The following ELAVL4 variants were observed in gnomAD, a reference collection of about 807,000 sequenced individuals.
The protein encoded by ELAVL4 is ELAV like RNA binding protein 4.
Under a neutral mutation model 35.6 loss-of-function variants are expected in ELAVL4, and 1 was observed. That is an observed-to-expected ratio of 0.03 (90% CI 0.01 to 0.13). The LOEUF (loss-of-function observed/expected upper bound fraction) is 0.13. Among genes scored for constraint, ELAVL4 ranks in the 10% least tolerant of loss-of-function variants. The pLI, the probability that ELAVL4 is intolerant of heterozygous loss-of-function variation, is 1.00. For synonymous variants in ELAVL4, 156 were observed against 171.0 expected (o/e 0.91, Z 0.69); for missense variants, 267 against 464.9 (o/e 0.57, Z 3.91).
At chr1:50,055,385 C>T (rs995224236) in intron 1 of ELAVL4, among the ~76,000 whole-genome samples, 60 of 152,110 alleles carry the variant, frequency 3.9e-4, no homozygotes, top group Non-Finnish European at 4.7e-4. Context: ...CTGCGAGCTC[C>T]GCCTCCTGGG....
upstream of ELAVL4, among the ~76,000 whole-genome samples, chr1:50,108,099 A>G (rs1666502582): frequency 6.6e-6 from 1 of 152,210 alleles, no homozygotes; most frequent in Non-Finnish European, 1.5e-5. Context: ...GGATTTTTAA[A>G]AATTCAGATC....
intron 3 of ELAVL4, among the ~76,000 whole-genome samples, chr1:50,186,769 G>T (rs1291168997): frequency 6.6e-6 from 1 of 152,100 alleles, no homozygotes; most frequent in African/African-American, 2.4e-5. Context: ...CAGGTAAGGG[G>T]TTTAGACTCC....
intron 1 of ELAVL4, among the ~76,000 whole-genome samples, chr1:50,139,026 A>T (rs909955968): frequency 3.9e-5 from 6 of 152,196 alleles, no homozygotes; most frequent in Non-Finnish European, 8.8e-5. Flanking sequence ...TTGAAAAAAA[A>T]TCTGCATTTG....
At chr1:50,109,250 A>G (rs1219171884) in intron 1 of ELAVL4, 52 bp downstream of exon 1, 1 of 1,579,354 alleles carries the variant, frequency 6.3e-7, no homozygotes, top group African/African-American at 1.4e-5. Context: ...GAGGGAAGAA[A>G]AGCATCTACA....
chr1:50,120,596 T>C (rs908448197), intron 1 of ELAVL4, among the ~76,000 whole-genome samples: 3 of 152,040 alleles, frequency 2.0e-5, no homozygotes, highest in African/African-American at 7.2e-5. Context: ...TATTAAGCCA[T>C]TATTTCTCAG....
chr1:50,050,689 G>T (rs1433235488), intron 1 of ELAVL4, among the ~76,000 whole-genome samples: 2 of 151,980 alleles, frequency 1.3e-5, no homozygotes, highest in Admixed American at 1.3e-4. Flanking sequence ...TATTTAATTT[G>T]GTACTAGTTT....
intron 1 of ELAVL4, among the ~76,000 whole-genome samples, chr1:50,054,345 G>A (rs1397666114): frequency 6.6e-6 from 1 of 152,182 alleles, no homozygotes; most frequent in African/African-American, 2.4e-5. Flanking sequence ...AGATGCTGAT[G>A]TGTAGGTGTC....
intron 1 of ELAVL4, chr1:50,115,431 T>A (rs1435053994): frequency 1.3e-5 from 2 of 152,088 alleles, no homozygotes; most frequent in Non-Finnish European, 1.5e-5. Context: ...GGGATTTTTT[T>A]AATGAAAAAA....
upstream of ELAVL4, among the ~76,000 whole-genome samples, chr1:50,100,588 A>C (rs1049724550): frequency 6.6e-6 from 1 of 152,134 alleles, no homozygotes; most frequent in Non-Finnish European, 1.5e-5. Context: ...TATCTCTAAC[A>C]CTTAATTTTG....
At chr1:50,091,059 A>C (rs954367832) in intron 1 of ELAVL4, among the ~76,000 whole-genome samples, 1 of 152,184 alleles carries the variant, frequency 6.6e-6, no homozygotes, top group Non-Finnish European at 1.5e-5. Context: ...GGACCTTTCT[A>C]TCTTTGAGGT....
intron 2 of ELAVL4, among the ~76,000 whole-genome samples, chr1:50,159,926 C>T (rs112850137): frequency 2.0e-5 from 3 of 152,082 alleles, no homozygotes; most frequent in Non-Finnish European, 2.9e-5. Flanking sequence ...AAAGTCTCAC[C>T]TACTCCCAGG....
intron 3 of ELAVL4, among the ~76,000 whole-genome samples, chr1:50,184,461 C>T (rs934877471): frequency 2.6e-5 from 4 of 151,696 alleles, no homozygotes; most frequent in African/African-American, 4.8e-5. Context: ...CTCCATATCA[C>T]AGAAAATAGT....
chr1:50,099,217 G>A (rs368461862), upstream of ELAVL4, among the ~76,000 whole-genome samples: 8 of 152,202 alleles, frequency 5.3e-5, no homozygotes, highest in African/African-American at 1.9e-4. Context: ...GGGTTATAAG[G>A]CAAATAACGT....
intron 3 of ELAVL4, chr1:50,180,687 T>C (rs1181528825): frequency 6.6e-6 from 1 of 152,148 alleles, no homozygotes; most frequent in African/African-American, 2.4e-5. Flanking sequence ...ACTTCTTTAG[T>C]GGGAGAAAGT....
intron 2 of ELAVL4, among the ~76,000 whole-genome samples, chr1:50,162,554 T>G (rs55817431): frequency 0.032 from 4,948 of 152,268 alleles, 260 homozygotes; most frequent in African/African-American, 0.11. Flanking sequence ...TTTAAATACT[T>G]TGGGAATTCG....
chr1:50,163,013 A>G (rs945874349), intron 2 of ELAVL4, among the ~76,000 whole-genome samples: 2 of 152,234 alleles, frequency 1.3e-5, no homozygotes, highest in Admixed American at 6.5e-5. Flanking sequence ...AATGGATTCA[A>G]CTTAGAAATG....
chr1:50,174,425 C>G (rs1388436272), intron 2 of ELAVL4: 2 of 151,746 alleles, frequency 1.3e-5, no homozygotes, highest in African/African-American at 4.8e-5. Context: ...TATTTCATAT[C>G]AAGGAGAATC....
chr1:50,131,940 C>A (rs1204376849), intron 1 of ELAVL4, among the ~76,000 whole-genome samples: 1 of 148,728 alleles, frequency 6.7e-6, no homozygotes, highest in African/African-American at 2.5e-5. Flanking sequence ...TCTTTACACA[C>A]AGAAAACTAT....
intron 1 of ELAVL4, among the ~76,000 whole-genome samples, chr1:50,087,212 T>G (rs1665286651): frequency 6.6e-6 from 1 of 152,234 alleles, no homozygotes; most frequent in African/African-American, 2.4e-5. Flanking sequence ...AATGGAATTT[T>G]AAAACATGGC....
Sources: allele counts gnomAD v4.1 joint callset (sites outside exome capture counted in the v4.1 genomes callset), GRCh38; gene constraint gnomAD v4.1.1; transcripts MANE v1.5; gene names NCBI Gene and HGNC (gene_info 2026-07-23, HGNC 2026-07-21).